Variants in CSMD1 observed in about 807,000 individuals in gnomAD.
CSMD1 encodes CUB and Sushi multiple domains 1.
Under a neutral mutation model 417.5 loss-of-function variants are expected in CSMD1, and 213 were observed. The observed-to-expected ratio is 0.51, with a 90% CI of 0.46 to 0.57. The LOEUF (loss-of-function observed/expected upper bound fraction) is 0.57, where lower values mean the gene tolerates loss of function less well. Among genes scored for constraint, CSMD1 ranks in the 20% least tolerant of loss-of-function variants. CSMD1 has a pLI of 0.00. For synonymous variants in CSMD1, 2,862 were observed against 1,736.8 expected (o/e 1.65, Z -16.11); for missense variants, 6,923 against 4,529.7 (o/e 1.53, Z -15.17).
chr8:4,645,159 C>A (rs775920282), intron 1 of CSMD1, among the ~76,000 whole-genome samples: 1 of 152,080 alleles, frequency 6.6e-6, no homozygotes, highest in Non-Finnish European at 1.5e-5. Context: ...AATTTTTCTC[C>A]TACATGCTGT....
At chr8:3,605,160 T>C (rs139143886) in intron 8 of CSMD1, among the ~76,000 whole-genome samples, 4 of 152,246 alleles carry the variant, frequency 2.6e-5, no homozygotes, top group African/African-American at 7.2e-5. Context: ...TCTGGCTAAT[T>C]TTTGTATTTT....
At chr8:4,750,097 C>T (rs1446475205) in intron 1 of CSMD1, among the ~76,000 whole-genome samples, 1 of 152,134 alleles carries the variant, frequency 6.6e-6, no homozygotes, top group African/African-American at 2.4e-5. Context: ...GCTCCGCCTC[C>T]CGGGTTCACC....
intron 3 of CSMD1, among the ~76,000 whole-genome samples, chr8:4,137,880 ATTTAT>A (rs954116759): frequency 1.3e-4 from 19 of 150,398 alleles, no homozygotes; most frequent in African/African-American, 4.7e-4. Context: ...TTTTTAATTA[ATTTAT>A]TTATTTACTT....
Position 4,897,910 on chromosome 8 carries a change from G to A in CSMD1, c.85+96422C>T, listed in dbSNP as rs543574434. 1.2e-4 allele frequency among the ~76,000 whole-genome samples: 19 copies of A among 152,210 alleles called. No homozygotes were observed. In the South Asian group the frequency reaches 3.7e-3, roughly 30 times the overall value. ...GTAAACCAGAGCAAGGCGTGGCTTT[G>A]TTAAGTGGGGACATTAGATTCTAAA... is the stretch of plus-strand genomic sequence containing the variant. On this transcript the variant is annotated intron_variant, in intron 1 of 69. Transcript: ENST00000635120.
chr8:4,278,816 C>T (rs1796626612), intron 3 of CSMD1, among the ~76,000 whole-genome samples: 1 of 152,140 alleles, frequency 6.6e-6, no homozygotes, highest in South Asian at 2.1e-4. Context: ...ATAAATTTGG[C>T]TCTTGGAGTA....
chr8:2,944,495 T>C (rs1289661045), intron 68 of CSMD1, among the ~76,000 whole-genome samples: 1 of 152,136 alleles, frequency 6.6e-6, no homozygotes, highest in Admixed American at 6.5e-5. Context: ...TTAGTACATC[T>C]CAAGTGCTTA....
chr8:4,762,183 C>T (rs1191976800), intron 1 of CSMD1, among the ~76,000 whole-genome samples: 3 of 151,862 alleles, frequency 2.0e-5, no homozygotes, highest in Non-Finnish European at 4.4e-5. Flanking sequence ...CAAAATATCT[C>T]GTATATTTAT....
chr8:4,883,139 A>G (rs982372106), intron 1 of CSMD1, among the ~76,000 whole-genome samples: 3 of 152,128 alleles, frequency 2.0e-5, no homozygotes, highest in Non-Finnish European at 2.9e-5. Context: ...TAAGAATTCA[A>G]TATCGCAATG....
At chr8:4,083,024 T>A (rs113983582) in intron 3 of CSMD1, among the ~76,000 whole-genome samples, 18 of 152,126 alleles carry the variant, frequency 1.2e-4, no homozygotes, top group African/African-American at 4.3e-4. Context: ...TTGTTGGACA[T>A]TTGGGTTTGT....
At chr8:4,551,636 G>C (rs1235524205) in intron 2 of CSMD1, among the ~76,000 whole-genome samples, 1 of 151,962 alleles carries the variant, frequency 6.6e-6, no homozygotes, top group Non-Finnish European at 1.5e-5. Context: ...TAACATACAG[G>C]ACAATGTTGG....
chr8:4,721,574 A>T (rs1454033484), intron 1 of CSMD1, among the ~76,000 whole-genome samples: 2 of 152,206 alleles, frequency 1.3e-5, no homozygotes, highest in Non-Finnish European at 2.9e-5. Flanking sequence ...GTTGACAAAG[A>T]TGTAAAGAAA....
At chr8:3,771,893 C>G (rs897839329) in intron 5 of CSMD1, among the ~76,000 whole-genome samples, 1 of 152,016 alleles carries the variant, frequency 6.6e-6, no homozygotes, top group Admixed American at 6.6e-5. Context: ...CCTGATCTGA[C>G]CCAGATATGA....
chr8:3,161,398 C>T (rs1347061049), intron 38 of CSMD1, among the ~76,000 whole-genome samples: 2 of 152,038 alleles, frequency 1.3e-5, no homozygotes, highest in East Asian at 3.9e-4. Flanking sequence ...AGGTGGATCA[C>T]CTGAGGTCAG....
In CSMD1 at chr8:3,218,560, C is replaced by CAAA. The variant is rs375544620; in HGVS notation, c.4672+692_4672+694dup. On this transcript the variant is annotated intron_variant, in intron 29 of 69. Coordinates refer to ENST00000635120, the MANE Select transcript of CSMD1 (RefSeq NM_033225.6). The stretch of plus-strand genomic sequence containing the variant: ...TGCATGATAGAGCAAGACTCCATCT[C>CAAA]AAAAATAAAAAAAAAAAGAAATTAT... Among the ~76,000 whole-genome samples, 175 of 128,670 alleles carry CAAA rather than the reference C, an allele frequency of 1.4e-3. 2 individuals carry two copies. The highest frequency in any genetic ancestry group is 4.4e-3 in the African/African-American group (148 of 33,486). The allele number at this position is 128,670 out of a possible 152,430, so 84.4% of individuals were successfully genotyped here. A position where few individuals can be genotyped will look rare whatever the true frequency, so the allele number is the denominator to read the frequency against.
intron 3 of CSMD1, among the ~76,000 whole-genome samples, chr8:4,321,097 T>G (rs2128884160): frequency 6.6e-6 from 1 of 152,304 alleles, no homozygotes; most frequent in African/African-American, 2.4e-5. Flanking sequence ...TATTGAGTTT[T>G]TGTCTAGACT....
At chr8:4,446,983 G>C (rs892348104) in intron 2 of CSMD1, among the ~76,000 whole-genome samples, 1 of 151,830 alleles carries the variant, frequency 6.6e-6, no homozygotes, top group Non-Finnish European at 1.5e-5. Flanking sequence ...GGAGATGACT[G>C]GGTGGAGTGG....
intron 3 of CSMD1, among the ~76,000 whole-genome samples, chr8:4,228,159 G>A (rs1322059990): frequency 2.6e-5 from 4 of 152,046 alleles, no homozygotes; most frequent in African/African-American, 9.7e-5. Context: ...TGCCACAGAA[G>A]GAAACACCCC....
At chr8:3,377,668 C>G (rs1810395622) in intron 18 of CSMD1, among the ~76,000 whole-genome samples, 1 of 152,122 alleles carries the variant, frequency 6.6e-6, no homozygotes, top group Non-Finnish European at 1.5e-5. Context: ...TGTACCGCAC[C>G]TATCAACTCC....
At chr8:3,098,773 T>C (rs1815519026) in intron 46 of CSMD1, among the ~76,000 whole-genome samples, 1 of 152,108 alleles carries the variant, frequency 6.6e-6, no homozygotes, top group African/African-American at 2.4e-5. Flanking sequence ...TTTTAGAAGC[T>C]CCACAGACCC....
Sources: allele counts gnomAD v4.1 joint callset (sites outside exome capture counted in the v4.1 genomes callset), GRCh38; gene constraint gnomAD v4.1.1; transcripts MANE v1.5; gene names NCBI Gene and HGNC (gene_info 2026-07-23, HGNC 2026-07-21).